The following HTR1E variants were observed in gnomAD, a reference collection of about 807,000 sequenced individuals.
HTR1E encodes the protein 5-HT-1E.
Under a neutral mutation model 3.4 loss-of-function variants are expected in HTR1E, and 3 were observed. That is an observed-to-expected ratio of 0.89 (90% CI 0.41 to 2.31). The LOEUF (loss-of-function observed/expected upper bound fraction) is 2.31, where lower values mean the gene tolerates loss of function less well. Among genes scored for constraint, HTR1E ranks in the 30% most tolerant of loss-of-function variants. HTR1E has a pLI of 0.05. For missense variants in HTR1E, 392 were observed against 467.0 expected, an observed-to-expected ratio of 0.84 and a Z score of 1.48; for synonymous variants, 170 against 182.8, an observed-to-expected ratio of 0.93 and a Z score of 0.56.
At chr6:86,979,013 C>T (rs535483481) in intron 1 of HTR1E, among the ~76,000 whole-genome samples, 4 of 152,174 alleles carry the variant, frequency 2.6e-5, no homozygotes, top group African/African-American at 9.7e-5. Flanking sequence ...CTTTGAGTCA[C>T]GGGTTTTAGT....
chr6:87,009,994 G>A (rs1768183509), intron 1 of HTR1E, among the ~76,000 whole-genome samples: 2 of 124,180 alleles, frequency 1.6e-5, no homozygotes, highest in Admixed American at 7.8e-5. Flanking sequence ...AGACGGGGTG[G>A]CTGGCCGGGC....
chr6:87,006,307 T>C (rs774627430), intron 1 of HTR1E, among the ~76,000 whole-genome samples: 5 of 152,164 alleles, frequency 3.3e-5, no homozygotes, highest in Non-Finnish European at 7.4e-5. Flanking sequence ...CAATTATAGC[T>C]AAGATTTGGA....
At chr6:86,955,416 G>A (rs1279931091) in intron 1 of HTR1E, among the ~76,000 whole-genome samples, 2 of 152,198 alleles carry the variant, frequency 1.3e-5, no homozygotes, top group Non-Finnish European at 2.9e-5. Flanking sequence ...TTGATAGTGA[G>A]ATAAAGTGGC....
intron 1 of HTR1E, among the ~76,000 whole-genome samples, chr6:87,006,054 G>A (rs1266188109): frequency 1.3e-5 from 2 of 152,152 alleles, no homozygotes; most frequent in Non-Finnish European, 2.9e-5. Context: ...AGTTAAAATG[G>A]CATTTATCCA....
At chr6:87,003,193 A>T (rs527616456) in intron 1 of HTR1E, among the ~76,000 whole-genome samples, 3 of 152,188 alleles carry the variant, frequency 2.0e-5, no homozygotes, top group African/African-American at 7.2e-5. Flanking sequence ...ATACAAACAC[A>T]TGGAAATTAA....
intron 1 of HTR1E, among the ~76,000 whole-genome samples, chr6:86,949,310 G>A (rs1449171287): frequency 2.0e-5 from 3 of 152,148 alleles, no homozygotes; most frequent in Admixed American, 1.3e-4. Flanking sequence ...GTGAAAAAGT[G>A]CTTAAAACAG....
At chr6:87,007,363 T>C (rs998827738) in intron 1 of HTR1E, among the ~76,000 whole-genome samples, 7 of 152,158 alleles carry the variant, frequency 4.6e-5, no homozygotes, top group African/African-American at 1.7e-4. Flanking sequence ...TGGGGATGGT[T>C]AATGGGTACA....
chr6:86,997,453 C>A (rs1767959594), intron 1 of HTR1E, among the ~76,000 whole-genome samples: 1 of 151,542 alleles, frequency 6.6e-6, no homozygotes, highest in Admixed American at 6.6e-5. Context: ...TTCAAATAAT[C>A]TACAAAAAAA....
At chr6:86,939,599 G>A (rs1015259425) in intron 1 of HTR1E, among the ~76,000 whole-genome samples, 2 of 152,180 alleles carry the variant, frequency 1.3e-5, no homozygotes, top group African/African-American at 2.4e-5. Flanking sequence ...ATTCCCTTAC[G>A]TGCTTGTTTT....
At chr6:86,990,138 C>T (rs747435849) in intron 1 of HTR1E, among the ~76,000 whole-genome samples, 1 of 152,212 alleles carries the variant, frequency 6.6e-6, no homozygotes, top group African/African-American at 2.4e-5. Flanking sequence ...GTGCACAGCA[C>T]AGGAGGGAGC....
chr6:86,957,143 A>C (rs1159706228), intron 1 of HTR1E, among the ~76,000 whole-genome samples: 2 of 152,250 alleles, frequency 1.3e-5, no homozygotes, highest in African/African-American at 4.8e-5. Context: ...AACCTACCCA[A>C]CAAAATTTAA....
At chr6:86,944,347 T>C (rs113964519) in intron 1 of HTR1E, among the ~76,000 whole-genome samples, 3 of 152,204 alleles carry the variant, frequency 2.0e-5, no homozygotes, top group Non-Finnish European at 4.4e-5. Context: ...CCTGAGATAC[T>C]GCCTGCCACA....
intron 1 of HTR1E, among the ~76,000 whole-genome samples, chr6:86,964,874 T>A (rs1767453742): frequency 6.6e-6 from 1 of 152,166 alleles, no homozygotes; most frequent in Admixed American, 6.5e-5. Flanking sequence ...TAATTTTAAA[T>A]TAATAAATGA....
chr6:86,968,172 TAA>T (rs1267934260), intron 1 of HTR1E, among the ~76,000 whole-genome samples: 1 of 152,240 alleles, frequency 6.6e-6, no homozygotes, highest in Non-Finnish European at 1.5e-5. Context: ...ATTCCATATA[TAA>T]GTGTACCACA....
chr6:87,006,041 C>A (rs1768101848), intron 1 of HTR1E, among the ~76,000 whole-genome samples: 1 of 152,038 alleles, frequency 6.6e-6, no homozygotes, highest in African/African-American at 2.4e-5. Context: ...ATCATCTTAC[C>A]CAAGTTAAAA....
At chr6:86,950,668 A>ACTT (rs1767225842) in intron 1 of HTR1E, among the ~76,000 whole-genome samples, 1 of 152,232 alleles carries the variant, frequency 6.6e-6, no homozygotes, top group Non-Finnish European at 1.5e-5. Context: ...CTCAAAAATA[A>ACTT]TAAGACCTGC....
At chr6:86,965,640 C>T (rs1767461967) in intron 1 of HTR1E, among the ~76,000 whole-genome samples, 1 of 152,022 alleles carries the variant, frequency 6.6e-6, no homozygotes, top group African/African-American at 2.4e-5. Context: ...ACCAGTCCAT[C>T]CAGGGGTCTA....
chr6:87,006,993 A>G (rs1161331143), intron 1 of HTR1E, among the ~76,000 whole-genome samples: 1 of 152,232 alleles, frequency 6.6e-6, no homozygotes, highest in East Asian at 1.9e-4. Context: ...TAACTAGGTG[A>G]TGGCTTGATA....
chr6:87,003,607 T>C (rs1278036243), intron 1 of HTR1E, among the ~76,000 whole-genome samples: 1 of 149,142 alleles, frequency 6.7e-6, no homozygotes, highest in Non-Finnish European at 1.5e-5. Context: ...AAACACAACA[T>C]ATCAAAACCT....
Sources: gnomAD v4.1 joint callset for allele counts (sites outside exome capture counted in the v4.1 genomes callset) on GRCh38, gnomAD v4.1.1 for gene constraint, MANE v1.5 for transcripts, NCBI Gene and HGNC (gene_info 2026-07-23, HGNC 2026-07-21) for gene names.